GREB1L: variants seen among roughly 807,000 people sequenced by gnomAD.
GREB1L encodes the protein GREB1 like retinoic acid receptor coactivator.
A neutral mutation model predicts 200.8 loss-of-function variants in GREB1L; 17 were observed. The ratio of observed to expected loss-of-function variants is 0.08; its 90% CI spans 0.06 to 0.13. The LOEUF (loss-of-function observed/expected upper bound fraction) is 0.13, where lower values mean the gene tolerates loss of function less well. Ranked by LOEUF, GREB1L falls within the 10% of genes least tolerant of loss-of-function variation. The pLI is 1.00. For synonymous variants in GREB1L, 789 were observed against 893.0 expected, an observed-to-expected ratio of 0.88 and a Z score of 2.08; for missense variants, 1,657 against 2,367.7, an observed-to-expected ratio of 0.70 and a Z score of 6.23.
chr18:21,446,455 G>A (rs1445953803), intron 11 of GREB1L, among the ~76,000 whole-genome samples: 8 of 151,932 alleles, frequency 5.3e-5, no homozygotes, highest in Admixed American at 2.0e-4. Context: ...GAAAAGAAAA[G>A]AAAAAAAGAA....
At chr18:21,355,982 CTTTTTTTTT>C (rs869238658) in intron 1 of GREB1L, among the ~76,000 whole-genome samples, 3 of 109,176 alleles carry the variant, frequency 2.7e-5, no homozygotes, top group African/African-American at 1.1e-4. Context: ...AATTAGGCTT[CTTTTTTTTT>C]TTTTTTTTTT....
chr18:21,476,742 T>A (rs1208581260), intron 16 of GREB1L, among the ~76,000 whole-genome samples: 1 of 129,324 alleles, frequency 7.7e-6, no homozygotes, highest in African/African-American at 3.6e-5. Context: ...CTAATTTTTT[T>A]TGTATTTTTT....
At chr18:21,315,733 C>T (rs745967554) in intron 1 of GREB1L, among the ~76,000 whole-genome samples, 19 of 152,068 alleles carry the variant, frequency 1.2e-4, no homozygotes, top group Non-Finnish European at 2.5e-4. Flanking sequence ...TACGTTTCAT[C>T]CTTCTGCTTG....
At chr18:21,455,938 C>G (rs1358601477) in intron 15 of GREB1L, among the ~76,000 whole-genome samples, 1 of 128,526 alleles carries the variant, frequency 7.8e-6, no homozygotes, top group Non-Finnish European at 1.6e-5. Flanking sequence ...TAGTCTCACT[C>G]TGTTGCCCAG....
intron 1 of GREB1L, among the ~76,000 whole-genome samples, chr18:21,283,068 T>G (rs2038297081): frequency 6.6e-6 from 1 of 152,248 alleles, no homozygotes; most frequent in South Asian, 2.1e-4. Context: ...TTTTTTGATT[T>G]TTTACTTAGA....
chr18:21,253,181 C>T (rs961711563), intron 1 of GREB1L, among the ~76,000 whole-genome samples: 6 of 151,996 alleles, frequency 3.9e-5, no homozygotes, highest in African/African-American at 1.5e-4. Context: ...TTCTGGTTTA[C>T]CATATTGTTT....
chr18:21,452,547 G>A (rs368467168), intron 14 of GREB1L: 7 of 218,346 alleles, frequency 3.2e-5, no homozygotes, highest in East Asian at 2.4e-4. Context: ...TCAAAAAACC[G>A]TCTGAAAGAG....
At chr18:21,496,981 T>C (rs1028525276) in intron 21 of GREB1L, among the ~76,000 whole-genome samples, 1 of 152,252 alleles carries the variant, frequency 6.6e-6, no homozygotes, top group Non-Finnish European at 1.5e-5. Flanking sequence ...TAGTCTTTTC[T>C]ACCCTTAATC....
intron 13 of GREB1L, among the ~76,000 whole-genome samples, chr18:21,451,629 G>A (rs547330928): frequency 5.4e-4 from 82 of 151,674 alleles, no homozygotes; most frequent in African/African-American, 1.8e-3. Context: ...AAGCAGCTTG[G>A]ACTACAGACA....
At chr18:21,264,692 C>G (rs1474916955) in intron 1 of GREB1L, among the ~76,000 whole-genome samples, 1 of 142,306 alleles carries the variant, frequency 7.0e-6, no homozygotes, top group Non-Finnish European at 1.5e-5. Context: ...TCACCCTTCA[C>G]CCCCGCCCCA....
chr18:21,522,004 CAAA>C (rs59115973), intron 32 of GREB1L, among the ~76,000 whole-genome samples: 14 of 30,984 alleles, frequency 4.5e-4, no homozygotes, highest in Non-Finnish European at 6.8e-4. Flanking sequence ...ACTCCGTCTC[CAAA>C]AAAAAAAAAG....
rs1268985670 is a variant in GREB1L, at chr18:21,325,274, ATGTT to A, written c.-119-40752_-119-40749del. On this transcript the variant is annotated intron_variant, in intron 1 of 32. Coordinates refer to ENST00000424526, the MANE Select transcript of GREB1L (RefSeq NM_001142966.3). ...TTCTAGTCTGAAGCTTTTTGGTAAA[ATGTT>A]AGTTATAATAAGTTGATCCAGATTA... Among the ~76,000 whole-genome samples the A allele has an allele frequency of 2.6e-5, 4 of 152,210 alleles. No homozygotes were observed. In the East Asian group the frequency reaches 7.7e-4, roughly 29 times the overall value.
chr18:21,522,496 C>A (rs941957650), intron 32 of GREB1L, among the ~76,000 whole-genome samples, 162 bp from the exon 33 acceptor site: 1 of 152,058 alleles, frequency 6.6e-6, no homozygotes, highest in Non-Finnish European at 1.5e-5. Flanking sequence ...AAAAAAATTA[C>A]TGAATTTGCA....
intron 7 of GREB1L, among the ~76,000 whole-genome samples, chr18:21,434,499 ATG>A (rs67516917): frequency 0.39 from 48,731 of 123,470 alleles, 12,044 homozygotes; most frequent in Middle Eastern, 0.51. Flanking sequence ...ATATATATAT[ATG>A]TGTGTGTGTG....
At chr18:21,340,300 G>A (rs1416794486) in intron 1 of GREB1L, among the ~76,000 whole-genome samples, 3 of 151,928 alleles carry the variant, frequency 2.0e-5, no homozygotes, top group African/African-American at 7.2e-5. Context: ...GGCACCTGTA[G>A]TCCCAGCTAC....
At position 21,249,401 on chromosome 18, in the gene GREB1L, G is replaced by A. The variant is rs114438974; in HGVS notation, c.-120+7008G>A. Among the ~76,000 whole-genome samples, 1,154 of 152,292 alleles carry A rather than the reference G, an allele frequency of 7.6e-3. 12 individuals are homozygous for A. The highest frequency in any genetic ancestry group is 0.025 in the African/African-American group (1,044 of 41,566). ...GCTTACTGAATCAGAATCTCTGGCA[G>A]GACCCAGGAATCTTTATTAACAAAC... On this transcript the variant is annotated intron_variant, in intron 1 of 32. Coordinates refer to ENST00000424526, the MANE Select transcript of GREB1L (RefSeq NM_001142966.3).
intron 1 of GREB1L, among the ~76,000 whole-genome samples, chr18:21,267,444 A>T (rs1331750521): frequency 6.6e-6 from 1 of 152,096 alleles, no homozygotes; most frequent in South Asian, 2.1e-4. Context: ...GGTCTCCCAA[A>T]GTGCTGGGAT....
Position 21,449,504 on chromosome 18 carries a change from A to T in GREB1L, c.1394-6A>T. On this transcript the variant is annotated splice_region_variant and splice_polypyrimidine_tract_variant and intron_variant, in intron 11 of 32. Coordinates refer to ENST00000424526, the MANE Select transcript of GREB1L (RefSeq NM_001142966.3). ...TAAATTCCAGCTGTAATTCTCTTCT[A>T]TATAGGTCCTGATCAGGTACCTCTC... 1 of 1,499,910 alleles carries T rather than the reference A, an allele frequency of 6.7e-7. No homozygotes were observed. Among genetic ancestry groups the T allele is most frequent in the Non-Finnish European group, 9.0e-7 (1 of 1,111,854 alleles). 92.9% of individuals were successfully genotyped at this position (1,499,910 alleles called of 1,614,324 possible).
At chr18:21,340,019 A>C (rs2039244223) in intron 1 of GREB1L, among the ~76,000 whole-genome samples, 1 of 152,144 alleles carries the variant, frequency 6.6e-6, no homozygotes, top group Non-Finnish European at 1.5e-5. Flanking sequence ...TGCTTCTAAG[A>C]TCCCTCCTGG....
Sources: gnomAD v4.1 joint callset for allele counts (sites outside exome capture counted in the v4.1 genomes callset) on GRCh38, gnomAD v4.1.1 for gene constraint, MANE v1.5 for transcripts, NCBI Gene and HGNC (gene_info 2026-07-23, HGNC 2026-07-21) for gene names.